PSD3: variants seen among roughly 807,000 people sequenced by gnomAD.
PSD3 encodes pleckstrin and Sec7 domain containing 3.
Under a neutral mutation model 105.5 loss-of-function variants are expected in PSD3, and 49 were observed. That is an observed-to-expected ratio of 0.46 (90% CI 0.37 to 0.59). The LOEUF (loss-of-function observed/expected upper bound fraction) is 0.59. Ranked by LOEUF, PSD3 falls within the 20% of genes least tolerant of loss-of-function variation. The pLI is 0.00. For missense variants in PSD3, 1,561 were observed against 1,263.8 expected, an observed-to-expected ratio of 1.24 and a Z score of -3.57; for synonymous variants, 557 against 457.8, an observed-to-expected ratio of 1.22 and a Z score of -2.77.
chr8:18,584,659 T>A (rs1281941954), intron 12 of PSD3, among the ~76,000 whole-genome samples: 1 of 152,238 alleles, frequency 6.6e-6, no homozygotes, highest in East Asian at 1.9e-4. Flanking sequence ...AGCCGTTTCC[T>A]ACATTTGTGA....
At chr8:18,830,669 A>G (rs1319710729) in intron 4 of PSD3, among the ~76,000 whole-genome samples, 1 of 152,206 alleles carries the variant, frequency 6.6e-6, no homozygotes. Flanking sequence ...AAAGAACAAC[A>G]TGGTCGCGAA....
At chr8:19,073,585 A>G (rs1037204608) in intron 1 of PSD3, among the ~76,000 whole-genome samples, 2 of 135,356 alleles carry the variant, frequency 1.5e-5, no homozygotes, top group Non-Finnish European at 3.1e-5. Flanking sequence ...AAAAAAAAAG[A>G]TAGGCCTAAG....
chr8:18,714,104 TCCTTATA>T (rs1422697242), intron 9 of PSD3, among the ~76,000 whole-genome samples: 1 of 152,174 alleles, frequency 6.6e-6, no homozygotes. Context: ...CTGTACCCCT[TCCTTATA>T]CCTTATACAA....
At chr8:18,900,433 G>C (rs1819430855) in intron 2 of PSD3, among the ~76,000 whole-genome samples, 1 of 152,012 alleles carries the variant, frequency 6.6e-6, no homozygotes, top group South Asian at 2.1e-4. Context: ...CTTTTATCTT[G>C]AAATGGCAGG....
At chr8:19,057,591 C>T (rs937732444) in intron 1 of PSD3, among the ~76,000 whole-genome samples, 3 of 152,138 alleles carry the variant, frequency 2.0e-5, no homozygotes, top group East Asian at 1.9e-4. Context: ...CCCCACCTCT[C>T]CTCCTATCTT....
intron 1 of PSD3, among the ~76,000 whole-genome samples, chr8:19,073,412 A>T (rs1463638296): frequency 4.6e-5 from 7 of 152,130 alleles, no homozygotes; most frequent in Middle Eastern, 3.4e-3. Flanking sequence ...TGAGCCCAGC[A>T]TGGTGGCACA....
intron 11 of PSD3, among the ~76,000 whole-genome samples, chr8:18,606,438 A>T (rs1804836096): frequency 6.6e-6 from 1 of 152,192 alleles, no homozygotes; most frequent in Non-Finnish European, 1.5e-5. Context: ...TTACAGGCTT[A>T]TCCATTCAGA....
chr8:19,077,126 TCTGAGATATCTCTGAC>T (rs1188878298), intron 1 of PSD3, among the ~76,000 whole-genome samples: 6 of 152,214 alleles, frequency 3.9e-5, no homozygotes, highest in Non-Finnish European at 8.8e-5. Flanking sequence ...CTGAGACTTC[TCTGAGATATCTCTGAC>T]CTGAGATAAA....
At chr8:18,898,205 T>C (rs1397880802) in intron 2 of PSD3, among the ~76,000 whole-genome samples, 5 of 152,192 alleles carry the variant, frequency 3.3e-5, no homozygotes, top group African/African-American at 9.7e-5. Context: ...GAGGGGTGTT[T>C]AAGTGCCCAA....
At chr8:18,819,157 C>A (rs954605776) in intron 4 of PSD3, among the ~76,000 whole-genome samples, 2 of 152,208 alleles carry the variant, frequency 1.3e-5, no homozygotes, top group African/African-American at 4.8e-5. Flanking sequence ...TTTTTGTCCA[C>A]TGCACCATTG....
At position 18,689,258 on chromosome 8, in the gene PSD3, G is replaced by C. The variant is rs539618989; in HGVS notation, c.2173-33573C>G. On this transcript the variant is annotated intron_variant, in intron 9 of 15. Coordinates refer to ENST00000327040, the MANE Select transcript of PSD3 (RefSeq NM_015310.4). ...TTCAGTCGGGGGTAGGAGGTAGAGA[G>C]AACAAGAAATTCTGTTGCCATAATT... 2.0e-5 allele frequency among the ~76,000 whole-genome samples: 3 copies of C among 152,238 alleles called. 1 individual carries two copies. The highest frequency in any genetic ancestry group is 6.5e-5 in the Admixed American group (1 of 15,290).
At chr8:18,798,517 A>C (rs2129447025) in intron 8 of PSD3, among the ~76,000 whole-genome samples, 1 of 152,308 alleles carries the variant, frequency 6.6e-6, no homozygotes, top group African/African-American at 2.4e-5. Flanking sequence ...TGTGACTAGC[A>C]GAATATCTAA....
In PSD3 at chr8:19,055,087, T is replaced by C. The variant is rs573761379; in HGVS notation, c.324+29119A>G. 3.5e-4 allele frequency among the ~76,000 whole-genome samples: 53 copies of C among 152,316 alleles called. No homozygotes were observed. In the Middle Eastern group the frequency reaches 0.014, roughly 39 times the overall value. On this transcript the variant is annotated intron_variant, in intron 1 of 1. Transcript: ENST00000521475. ...TGATTCCTCTACTTGATCTCTCTTC[T>C]CTTTACTTGAGTTGCATGAGCAAGA...
chr8:18,706,093 T>C (rs1801879959), intron 9 of PSD3, among the ~76,000 whole-genome samples: 1 of 152,122 alleles, frequency 6.6e-6, no homozygotes, highest in Non-Finnish European at 1.5e-5. Flanking sequence ...AGTTCTTCCC[T>C]TCCACCACAG....
intron 9 of PSD3, among the ~76,000 whole-genome samples, chr8:18,703,626 T>G (rs190579528): frequency 6.6e-6 from 1 of 152,192 alleles, no homozygotes; most frequent in Non-Finnish European, 1.5e-5. Flanking sequence ...GTAAATAACA[T>G]GCAACTGACT....
chr8:18,679,727 G>A (rs1205112635), intron 9 of PSD3, among the ~76,000 whole-genome samples: 2 of 152,158 alleles, frequency 1.3e-5, no homozygotes, highest in Non-Finnish European at 2.9e-5. Flanking sequence ...CCAGGATGCG[G>A]CATCCTGACT....
In PSD3 at chr8:18,943,048, T is replaced by C. The variant is rs138434979; in HGVS notation, c.22-6906A>G. 6.9e-3 allele frequency among the ~76,000 whole-genome samples: 1,047 copies of C among 152,260 alleles called. 8 individuals carry two copies. Among genetic ancestry groups the C allele is most frequent in the African/African-American group, 0.024 (1,000 of 41,558 alleles). Reference sequence around the variant, plus strand: ...CTTTCACTCTAGCCAAAAACAGCGATGTATAATACTCTAATCCAGTGGTTT... The same window carrying C: ...CTTTCACTCTAGCCAAAAACAGCGACGTATAATACTCTAATCCAGTGGTTT... On this transcript the variant is annotated intron_variant, in intron 1 of 15. Coordinates refer to ENST00000327040, the MANE Select transcript of PSD3 (RefSeq NM_015310.4).
intron 8 of PSD3, among the ~76,000 whole-genome samples, chr8:18,782,989 T>G (rs552954521): frequency 6.6e-6 from 1 of 152,360 alleles, no homozygotes; most frequent in East Asian, 1.9e-4. Context: ...CTTGTCTCAT[T>G]TTGGTATCAG....
At chr8:18,586,852 A>T (rs1456648590) in intron 12 of PSD3, among the ~76,000 whole-genome samples, 1 of 152,146 alleles carries the variant, frequency 6.6e-6, no homozygotes, top group Non-Finnish European at 1.5e-5. Context: ...CTTGATGCTG[A>T]GAAATGTATA....
Sources: gnomAD v4.1 joint callset for allele counts (sites outside exome capture counted in the v4.1 genomes callset) on GRCh38, gnomAD v4.1.1 for gene constraint, MANE v1.5 for transcripts, NCBI Gene and HGNC (gene_info 2026-07-23, HGNC 2026-07-21) for gene names.